The following HEATR1 variants were observed in gnomAD, a reference collection of about 807,000 sequenced individuals.
The protein encoded by HEATR1 is HEAT repeat containing 1, also known as HEAT repeat-containing protein 1.
HEATR1 carries 77 observed loss-of-function variants against 248.2 expected under a neutral mutation model. That is an observed-to-expected ratio of 0.31 (90% CI 0.26 to 0.37). The LOEUF (loss-of-function observed/expected upper bound fraction) is 0.37. Ranked by LOEUF, HEATR1 falls within the 10% of genes least tolerant of loss-of-function variation. The probability of loss-of-function intolerance (pLI) is 1.00; values close to 1 mark genes in which losing one functional copy is unlikely to be tolerated. For missense variants in HEATR1, 2,420 were observed against 2,504.9 expected, an observed-to-expected ratio of 0.97 and a Z score of 0.72; for synonymous variants, 897 against 923.1, an observed-to-expected ratio of 0.97 and a Z score of 0.51.
chr1:236,582,881 A>G lies in HEATR1; in HGVS notation c.2426-9T>C. The G allele has an allele frequency of 6.2e-7, 1 of 1,613,546 alleles. No individual in the cohort carries two copies. The highest frequency in any genetic ancestry group is 1.1e-5 in the South Asian group (1 of 91,080). ...ATTCCACCATATATCACCTACAAGGACATGGAAAGAGAAATGATGCTAGAT... is the reference window on the plus strand; with the variant it reads ...ATTCCACCATATATCACCTACAAGGGCATGGAAAGAGAAATGATGCTAGAT... On this transcript the variant is annotated splice_polypyrimidine_tract_variant and intron_variant, in intron 18 of 44. Coordinates refer to ENST00000366582, the MANE Select transcript of HEATR1 (RefSeq NM_018072.6).
In HEATR1 at chr1:236,594,049, T is replaced by C. The variant is rs536011790; in HGVS notation, c.1156A>G (p.Ile386Val). The C allele has an allele frequency of 5.4e-5, 87 of 1,600,444 alleles. 1 individual carries two copies. The South Asian group carries it at 9.0e-4, about 17-fold the overall frequency. ...TGGTCTAAGTTGTTCTTCAGTGATATTTTTGTAAGTATAGCTTCTAAGTGT... is the reference window on the plus strand; with the variant it reads ...TGGTCTAAGTTGTTCTTCAGTGATACTTTTGTAAGTATAGCTTCTAAGTGT... ...KRHLEAILTK[I>V]SLKNNLDHLL... The change falls in exon 9 of 45, where the codon ATA (isoleucine) becomes GTA (valine). Residue 386 changes from isoleucine (I) to valine (V), a missense_variant. Ile to Val is a conservative substitution (Grantham distance 29, BLOSUM62 3). Coordinates refer to ENST00000366582, the MANE Select transcript of HEATR1 (RefSeq NM_018072.6).
intron 20 of HEATR1, among the ~76,000 whole-genome samples, chr1:236,578,086 T>C (rs575852718): frequency 1.3e-5 from 2 of 152,342 alleles, no homozygotes; most frequent in African/African-American, 4.8e-5. Context: ...CTCCTCACTC[T>C]AAGTGAATTT....
intron 32 of HEATR1, among the ~76,000 whole-genome samples, chr1:236,562,294 T>C (rs545212012): frequency 4.6e-5 from 7 of 152,362 alleles, no homozygotes; most frequent in African/African-American, 1.4e-4. Flanking sequence ...TGGCTTTCTA[T>C]TGAATCAAAA....
chr1:236,551,015 AATT>A, intron 44 of HEATR1, 25 bp from the exon 45 acceptor site: 1 of 1,531,874 alleles, frequency 6.5e-7, no homozygotes, highest in Non-Finnish European at 8.9e-7. Context: ...AAAAAATCAA[AATT>A]AAAATCTGAG....
intron 30 of HEATR1, 54 bp downstream of exon 30, chr1:236,566,592 A>T: frequency 7.7e-7 from 1 of 1,301,914 alleles, no homozygotes; most frequent in Middle Eastern, 1.8e-4. Flanking sequence ...ACAATATCAT[A>T]AAATCTGTGT....
intron 12 of HEATR1, among the ~76,000 whole-genome samples, chr1:236,588,871 G>T (rs1338683626): frequency 1.3e-5 from 2 of 152,204 alleles, no homozygotes; most frequent in East Asian, 3.8e-4. Flanking sequence ...AGCTACTCTG[G>T]AGGCTGAGGT....
chr1:236,564,195 G>C (rs1663209639), intron 32 of HEATR1, among the ~76,000 whole-genome samples: 1 of 152,230 alleles, frequency 6.6e-6, no homozygotes, highest in Non-Finnish European at 1.5e-5. Context: ...GTGCTACCAT[G>C]AAGAATGTTA....
intron 41 of HEATR1, among the ~76,000 whole-genome samples, chr1:236,555,091 C>A (rs1426554694): frequency 6.6e-6 from 1 of 152,178 alleles, no homozygotes; most frequent in Non-Finnish European, 1.5e-5. Context: ...TTCTTTCTCC[C>A]AAGTGAGGTG....
Position 236,592,044 on chromosome 1 carries a change from T to C in HEATR1, c.1371A>G (p.Gln457=), listed in dbSNP as rs1419450954. The change falls in exon 11 of 45, where the codon CAA becomes CAG. Residue 457 remains glutamine, a synonymous_variant. Transcript: ENST00000366582. ...HLKEIADLKK[Q]ELFHQFVSLS... is the part of the protein sequence containing the mutation. ...GAGAAACAAACTGATGGAAAAGCTC[T>C]TGTTTTTTCAGATCTGCAATTTCCT... is the stretch of plus-strand genomic sequence containing the variant. 3 of 1,609,592 alleles carry C rather than the reference T, an allele frequency of 1.9e-6. No homozygotes were observed. The highest frequency in any genetic ancestry group is 2.2e-5 in the East Asian group (1 of 44,768).
chr1:236,570,928 A>C (rs1440622488), intron 28 of HEATR1, among the ~76,000 whole-genome samples: 1 of 152,240 alleles, frequency 6.6e-6, no homozygotes, highest in African/African-American at 2.4e-5. Context: ...GATTTCTTTA[A>C]ATGACATAGT....
Position 236,599,612 on chromosome 1 carries a change from A to T in HEATR1, c.372T>A (p.His124Gln), listed in dbSNP as rs770898106. 2.0e-5 allele frequency: 32 copies of T among 1,609,650 alleles called. No individual in the cohort carries two copies. In the South Asian group the frequency reaches 3.3e-4, roughly 17 times the overall value. The change falls in exon 4 of 45, where the codon CAT (histidine) becomes CAA (glutamine). Residue 124 changes from histidine (H) to glutamine (Q), a missense_variant. Coordinates refer to ENST00000366582, the MANE Select transcript of HEATR1 (RefSeq NM_018072.6). Reference sequence around the variant, plus strand: ...CAATGAGGCTATCTTGATTATAGAGATGTATATGGAACCTGGGGAAAAAAA... The same window carrying T: ...CAATGAGGCTATCTTGATTATAGAGTTGTATATGGAACCTGGGGAAAAAAA... ...LEWLIHRFHIHLYNQDSLIAC... is the reference protein window; with the variant it reads ...LEWLIHRFHIQLYNQDSLIAC...
chr1:236,557,481 G>T, intron 36 of HEATR1, 136 bp from the exon 37 acceptor site: 1 of 823,478 alleles, frequency 1.2e-6, no homozygotes. Context: ...AAAAAGCAGT[G>T]TCTATACATT....
At chr1:236,563,936 G>A (rs941808977) in intron 32 of HEATR1, among the ~76,000 whole-genome samples, 1 of 152,094 alleles carries the variant, frequency 6.6e-6, no homozygotes, top group African/African-American at 2.4e-5. Context: ...GTAATAGAGC[G>A]AGACCCTGTC....
intron 4 of HEATR1, 82 bp downstream of exon 4, chr1:236,599,401 A>G (rs1664257114): frequency 1.7e-6 from 2 of 1,170,666 alleles, no homozygotes; most frequent in Non-Finnish European, 2.4e-6. Flanking sequence ...TATCCCCAGG[A>G]GCAATGACTT....
intron 34 of HEATR1, among the ~76,000 whole-genome samples, chr1:236,559,401 T>C (rs1663062571): frequency 6.6e-6 from 1 of 152,188 alleles, no homozygotes; most frequent in Admixed American, 6.5e-5. Flanking sequence ...AATCCTAACT[T>C]CGAGGCCAGT....
rs766048913 is a variant in HEATR1 at position 236,604,062 on chromosome 1, C to G, written c.34G>C (p.Ala12Pro). The change falls in exon 2 of 45, where the codon GCC becomes CCC. Residue 12 changes from alanine to proline, a missense_variant. Transcript: ENST00000366582. ...TSLAQQLQRL[A>P]LPQSDASLLS... ...AGGCTGGCATCACTTTGAGGGAGGG[C>G]GAGTCGTTGCAGCTGCTGGGCTAAG... The G allele has an allele frequency of 6.3e-7, 1 of 1,580,280 alleles. No homozygotes were observed. The highest frequency in any genetic ancestry group is 2.0e-5 in the Admixed American group (1 of 50,450).
rs1663122027 is a variant in HEATR1, at chr1:236,561,230, T to C, written c.4641A>G (p.Glu1547=). The C allele has an allele frequency of 6.2e-7, 1 of 1,607,342 alleles. No homozygotes were observed. The highest frequency in any genetic ancestry group is 8.5e-7 in the Non-Finnish European group (1 of 1,174,068). Residue 1547 remains glutamate, a synonymous_variant, in exon 33 of 45, where the codon GAA becomes GAG. Transcript: ENST00000366582. ...SGGPEILKGL[E]ERLLETVLGY... ...AAAAAGAAAAGGAAACATACCTCTCTTCAAGGCCTTTTAAAATCTCAGGAC... is the reference window on the plus strand; with the variant it reads ...AAAAAGAAAAGGAAACATACCTCTCCTCAAGGCCTTTTAAAATCTCAGGAC...
At position 236,574,788 on chromosome 1, in the gene HEATR1, T is replaced by C. The variant is rs1314537948; in HGVS notation, c.3200A>G (p.Tyr1067Cys). 1.2e-6 allele frequency: 2 copies of C among 1,614,042 alleles called. No individual in the cohort carries two copies. Among genetic ancestry groups the C allele is most frequent in the Admixed American group, 3.3e-5 (2 of 60,028 alleles). Reference sequence around the variant, plus strand: ...TAAAAGGGAAACTGAAAATTCATTATACTTTCCCAGAGTGAGATGCAGAAC... The same window carrying C: ...TAAAAGGGAAACTGAAAATTCATTACACTTTCCCAGAGTGAGATGCAGAAC... ...AMVLHLTLGK[Y>C]NEFSVSLLNE... is the part of the protein sequence containing the mutation. The change falls in exon 23 of 45, where the codon TAT becomes TGT. Residue 1067 changes from tyrosine to cysteine, a missense_variant. Physicochemically the swap from Tyr to Cys is radical, Grantham distance 194. Transcript: ENST00000366582.
At chr1:236,577,073 A>G (rs1663580989) in intron 20 of HEATR1, 124 bp from the exon 21 acceptor site, 4 of 685,722 alleles carry the variant, frequency 5.8e-6, no homozygotes, top group Non-Finnish European at 7.0e-6. Flanking sequence ...TTCTCTGTTC[A>G]CTGTTTGAAT....
Sources: allele counts gnomAD v4.1 joint callset (sites outside exome capture counted in the v4.1 genomes callset), GRCh38; gene constraint gnomAD v4.1.1; transcripts MANE v1.5; gene names NCBI Gene and HGNC (gene_info 2026-07-23, HGNC 2026-07-21).